ULK2: variants seen among roughly 807,000 people sequenced by gnomAD.
The protein encoded by ULK2 is unc-51 like autophagy activating kinase 2, also known as serine/threonine-protein kinase ULK2.
In ULK2, 76 loss-of-function variants were observed where a neutral mutation model predicts 127.5. The observed-to-expected ratio is 0.60, with a 90% CI of 0.50 to 0.72. The LOEUF is 0.72. Ranked by LOEUF, ULK2 falls within the 30% of genes least tolerant of loss-of-function variation. The probability of loss-of-function intolerance (pLI) is 0.00; values close to 1 mark genes in which losing one functional copy is unlikely to be tolerated. For synonymous variants in ULK2, 452 were observed against 461.9 expected (o/e 0.98, Z 0.28); for missense variants, 1,144 against 1,295.9 (o/e 0.88, Z 1.80).
At chr17:19,857,116 G>C (rs536141483) in intron 3 of ULK2, among the ~76,000 whole-genome samples, 5 of 151,776 alleles carry the variant, frequency 3.3e-5, no homozygotes, top group African/African-American at 1.2e-4. Flanking sequence ...GACCAGGCTG[G>C]CCAATACGGC....
At chr17:19,835,165 G>C (rs746173014) in intron 10 of ULK2, among the ~76,000 whole-genome samples, 23 of 150,174 alleles carry the variant, frequency 1.5e-4, no homozygotes, top group Non-Finnish European at 3.0e-4. Context: ...TTTTTTTTTG[G>C]AGATGGAGTC....
chr17:19,862,463 G>A (rs1410130124), intron 3 of ULK2, among the ~76,000 whole-genome samples: 1 of 151,184 alleles, frequency 6.6e-6, no homozygotes, highest in Non-Finnish European at 1.5e-5. Context: ...CATGAAAAAT[G>A]ACAATTTTTT....
intron 5 of ULK2, chr17:19,848,307 G>A (rs1397246512): frequency 1.3e-5 from 2 of 152,126 alleles, no homozygotes; most frequent in Admixed American, 6.6e-5. Flanking sequence ...CGTGATGCAT[G>A]TCTGTCCATA....
intron 13 of ULK2, among the ~76,000 whole-genome samples, chr17:19,816,184 A>G (rs911318242): frequency 6.6e-6 from 1 of 152,086 alleles, no homozygotes; most frequent in South Asian, 2.1e-4. Flanking sequence ...TTCTGATACT[A>G]TTCCTTCATG....
Position 19,776,106 on chromosome 17 carries a change from C to T in ULK2, c.*243G>A, listed in dbSNP as rs2086807285. Reference sequence around the variant, plus strand: ...TATTCACCAAGTCCAAACTGGGAGCCAAACACTCTTGCTCCTGCTTCTACA... The same window carrying T: ...TATTCACCAAGTCCAAACTGGGAGCTAAACACTCTTGCTCCTGCTTCTACA... On this transcript the variant is annotated 3_prime_UTR_variant, in exon 27 of 27. Coordinates refer to ENST00000395544, the MANE Select transcript of ULK2 (RefSeq NM_014683.4). 2.2e-6 allele frequency: 1 copy of T among 459,986 alleles called. No individual in the cohort carries two copies. The allele number at this position is 459,986 out of a possible 1,614,324, so 28.5% of individuals were successfully genotyped here.
At chr17:19,848,064 A>T (rs2041929099) in intron 5 of ULK2, among the ~76,000 whole-genome samples, 1 of 152,200 alleles carries the variant, frequency 6.6e-6, no homozygotes, top group Non-Finnish European at 1.5e-5. Context: ...TAATAATGAA[A>T]ACTTGTGCTC....
At chr17:19,846,477 T>C (rs1237946590) in intron 6 of ULK2, among the ~76,000 whole-genome samples, 1 of 151,864 alleles carries the variant, frequency 6.6e-6, no homozygotes, top group Non-Finnish European at 1.5e-5. Flanking sequence ...CTGTCTCTAC[T>C]AAAAATATAA....
intron 14 of ULK2, among the ~76,000 whole-genome samples, chr17:19,806,919 T>C (rs554995491): frequency 1.3e-5 from 2 of 152,270 alleles, no homozygotes; most frequent in South Asian, 2.1e-4. Flanking sequence ...CAAATGCAAA[T>C]GGACAAATAA....
intron 3 of ULK2, among the ~76,000 whole-genome samples, 187 bp from the exon 4 acceptor site, chr17:19,849,961 C>G (rs2041976335): frequency 6.6e-6 from 1 of 152,144 alleles, no homozygotes; most frequent in Non-Finnish European, 1.5e-5. Context: ...AAAGCCAAAT[C>G]AAGTTTTGGT....
At chr17:19,820,053 AT>A (rs370116805) in intron 12 of ULK2, among the ~76,000 whole-genome samples, 713 of 19,282 alleles carry the variant, frequency 0.037, 1 homozygote, top group Middle Eastern at 0.19. Flanking sequence ...AACTTTATTT[AT>A]TTTTTTTTTT....
At position 19,782,686 on chromosome 17, in the gene ULK2, C is replaced by T. The variant is rs367686244; in HGVS notation, c.2461-619G>A. On this transcript the variant is annotated intron_variant, in intron 22 of 26. Transcript: ENST00000395544. ...ATCCAAGCACTTTGGGAGGCCAAGG[C>T]GGGTGGATCACCTGAGGTCAGGAGT... 1.2e-4 allele frequency among the ~76,000 whole-genome samples: 18 copies of T among 152,124 alleles called. No individual in the cohort carries two copies. In the East Asian group the frequency reaches 3.3e-3, roughly 28 times the overall value.
intron 25 of ULK2, among the ~76,000 whole-genome samples, chr17:19,779,488 T>C (rs1209988212): frequency 7.6e-6 from 1 of 132,172 alleles, no homozygotes; most frequent in Non-Finnish European, 1.5e-5. Flanking sequence ...GCCAAGATCA[T>C]GCTGCTGCAC....
At chr17:19,831,139 G>A (rs541819313) in intron 10 of ULK2, among the ~76,000 whole-genome samples, 111 of 152,214 alleles carry the variant, frequency 7.3e-4, no homozygotes, top group Non-Finnish European at 1.3e-3. Context: ...GGCAGAAGGT[G>A]AAGGGGAAGC....
chr17:19,797,630 T>A lies in ULK2; in HGVS notation c.1575A>T (p.Arg525Ser). 1 of 1,608,238 alleles carries A rather than the reference T, an allele frequency of 6.2e-7. No homozygotes were observed. The highest frequency in any genetic ancestry group is 8.5e-7 in the Non-Finnish European group (1 of 1,177,196). ...QSPQSLLSGARLQSAPTLTDI... is the reference protein window; with the variant it reads ...QSPQSLLSGASLQSAPTLTDI... ...CAGTGAGGGTGGGGGCGCTCTGCAG[T>A]CTAGCACCCGATAAGAGAGACTGTG... The change falls in exon 18 of 27, where the codon AGA (arginine) becomes AGT (serine). Residue 525 changes from arginine to serine, a missense_variant. This residue lies in a region of ULK2 where 913 missense variants were observed against 970.5 expected (regional missense o/e 0.94). Coordinates refer to ENST00000395544, the MANE Select transcript of ULK2 (RefSeq NM_014683.4).
At chr17:19,852,569 C>T (rs2042041544) in intron 3 of ULK2, among the ~76,000 whole-genome samples, 1 of 149,748 alleles carries the variant, frequency 6.7e-6, no homozygotes, top group Non-Finnish European at 1.5e-5. Context: ...TACTGCTAGG[C>T]TATTTAAAGT....
At chr17:19,844,889 A>G (rs1033017292) in intron 7 of ULK2, among the ~76,000 whole-genome samples, 1 of 152,216 alleles carries the variant, frequency 6.6e-6, no homozygotes, top group Non-Finnish European at 1.5e-5. Context: ...GCTAATGGAA[A>G]AAACATCTAC....
intron 10 of ULK2, among the ~76,000 whole-genome samples, chr17:19,828,490 C>T (rs879860517): frequency 9.2e-5 from 14 of 152,050 alleles, no homozygotes; most frequent in Non-Finnish European, 1.3e-4. Context: ...TAAAGCAATA[C>T]AGAAGTAGAG....
chr17:19,822,406 C>T (rs866391716), intron 12 of ULK2, among the ~76,000 whole-genome samples: 65 of 150,664 alleles, frequency 4.3e-4, no homozygotes, highest in African/African-American at 1.5e-3. Flanking sequence ...CTGTTACCTA[C>T]GCTGGAGTGC....
At chr17:19,850,808 T>C (rs984937569) in intron 3 of ULK2, among the ~76,000 whole-genome samples, 3 of 151,942 alleles carry the variant, frequency 2.0e-5, no homozygotes, top group African/African-American at 7.3e-5. Context: ...CACTCCAGCC[T>C]GCAAGAGAGC....
Sources: allele counts gnomAD v4.1 joint callset (sites outside exome capture counted in the v4.1 genomes callset), GRCh38; gene constraint gnomAD v4.1.1; regional missense constraint gnomAD v4.1.1; transcripts MANE v1.5; gene names NCBI Gene and HGNC (gene_info 2026-07-23, HGNC 2026-07-21).